CHD7: variants seen among roughly 807,000 people sequenced by gnomAD.
The protein encoded by CHD7 is chromodomain helicase DNA binding protein 7.
In CHD7, 24 loss-of-function variants were observed where a neutral mutation model predicts 307.3. That is an observed-to-expected ratio of 0.08 (90% CI 0.06 to 0.11). The LOEUF (loss-of-function observed/expected upper bound fraction) is 0.11, where lower values mean the gene tolerates loss of function less well. Among genes scored for constraint, CHD7 ranks in the 10% least tolerant of loss-of-function variants. CHD7 has a pLI of 1.00. For synonymous variants in CHD7, 1,363 were observed against 1,349.9 expected (o/e 1.01, Z -0.21); for missense variants, 3,106 against 3,727.1 (o/e 0.83, Z 4.34).
chr8:60,853,376 A>C lies in CHD7; in HGVS notation c.6651A>C (p.Glu2217Asp), dbSNP rs1805562487. Residue 2217 changes from glutamate (E) to aspartate (D), a missense_variant, in exon 31 of 38, where the codon GAA (glutamate) becomes GAC (aspartate). Glu to Asp is a conservative substitution (Grantham distance 45, BLOSUM62 2). Transcript: ENST00000423902. ...CEAEASSVKN[E>D]LKGVEVGADT... ...CAGAGGCCAGCTCTGTGAAAAATGAACTGAAAGGTGTTGAGGTCGGCGCAG... is the reference window on the plus strand; with the variant it reads ...CAGAGGCCAGCTCTGTGAAAAATGACCTGAAAGGTGTTGAGGTCGGCGCAG... The C allele has an allele frequency of 6.4e-7, 1 of 1,552,204 alleles. No homozygotes were observed. The highest frequency in any genetic ancestry group is 2.3e-5 in the East Asian group (1 of 44,390).
chr8:60,737,425 T>C (rs528570804), intron 1 of CHD7, among the ~76,000 whole-genome samples: 7 of 152,360 alleles, frequency 4.6e-5, no homozygotes, highest in African/African-American at 1.7e-4. Context: ...TAAAATGTTT[T>C]GTAGAAGAAG....
intron 25 of CHD7, among the ~76,000 whole-genome samples, chr8:60,850,029 G>C (rs1348688907): frequency 6.6e-6 from 1 of 152,122 alleles, no homozygotes; most frequent in Non-Finnish European, 1.5e-5. Context: ...AACCTAATAA[G>C]ACAGGTTCGC....
intron 1 of CHD7, among the ~76,000 whole-genome samples, chr8:60,721,848 A>G: frequency 6.6e-6 from 1 of 152,188 alleles, no homozygotes; most frequent in East Asian, 1.9e-4. Flanking sequence ...TCAGAGCCTC[A>G]GTTGCATTAT....
intron 4 of CHD7, among the ~76,000 whole-genome samples, chr8:60,795,615 A>G (rs2150699124): frequency 6.6e-6 from 1 of 152,356 alleles, no homozygotes; most frequent in African/African-American, 2.4e-5. Context: ...GTAATACTAA[A>G]GTTTCTATGA....
chr8:60,846,334 G>A (rs1197124688), intron 23 of CHD7, among the ~76,000 whole-genome samples: 1 of 152,100 alleles, frequency 6.6e-6, no homozygotes, highest in Non-Finnish European at 1.5e-5. Context: ...CTGTGAGCTT[G>A]GAATCATATT....
Position 60,862,663 on chromosome 8 carries a change from A to T in CHD7, c.8076+11A>T. 6.6e-7 allele frequency: 1 copy of T among 1,515,628 alleles called. No homozygotes were observed. Among genetic ancestry groups the T allele is most frequent in the Non-Finnish European group, 9.0e-7 (1 of 1,113,332 alleles). 93.9% of individuals were successfully genotyped at this position (1,515,628 alleles called of 1,614,324 possible). On this transcript the variant is annotated intron_variant, in intron 37 of 37. Transcript: ENST00000423902. ...ATAGTTAAGCAGTCTGTAAGTACAA[A>T]CTGCATTTCTATCAAGAAAGGTAGC...
At chr8:60,774,011 A>C (rs1399696125) in intron 2 of CHD7, among the ~76,000 whole-genome samples, 1 of 152,184 alleles carries the variant, frequency 6.6e-6, no homozygotes, top group Non-Finnish European at 1.5e-5. Flanking sequence ...TAGGATCTTA[A>C]ATAGAAGTAA....
chr8:60,836,796 G>A (rs1563643962), intron 16 of CHD7, 21 bp from the exon 17 acceptor site: 4 of 1,606,538 alleles, frequency 2.5e-6, no homozygotes, highest in Middle Eastern at 1.7e-4. Context: ...AGGCCTCCTT[G>A]TTCACACTGA....
intron 26 of CHD7, 171 bp downstream of exon 26, chr8:60,850,793 A>G (rs1586441000): frequency 7.9e-6 from 6 of 759,056 alleles, no homozygotes; most frequent in Non-Finnish European, 1.3e-5. Flanking sequence ...AACAATATAC[A>G]TTATCTTGAT....
intron 2 of CHD7, among the ~76,000 whole-genome samples, chr8:60,780,087 A>G (rs1811137555): frequency 6.6e-6 from 1 of 152,190 alleles, no homozygotes. Context: ...TGTTCGTTAG[A>G]TGTCATAATT....
chr8:60,788,639 G>A (rs886242834), intron 3 of CHD7, among the ~76,000 whole-genome samples: 7 of 152,312 alleles, frequency 4.6e-5, no homozygotes, highest in African/African-American at 1.4e-4. Flanking sequence ...GCACCTGCTT[G>A]GAGTGAAGCA....
chr8:60,833,839 C>T (rs1027045486), intron 15 of CHD7, among the ~76,000 whole-genome samples: 3 of 152,202 alleles, frequency 2.0e-5, no homozygotes, highest in Admixed American at 6.5e-5. Context: ...TGTGATATCA[C>T]AAGGGAGCAG....
At position 60,823,905 on chromosome 8, in the gene CHD7, T is replaced by G. The variant is rs1804154884; in HGVS notation, c.3267T>G (p.Thr1089=). ...AIITTFEMIL[T]DCPELRNIPW... ...TCACTACATTTGAGATGATTTTGAC[T>G]GATTGTCCTGAGCTGCGGAATATTC... is the stretch of plus-strand genomic sequence containing the variant. Residue 1089 remains threonine, a synonymous_variant, in exon 13 of 38, where the codon ACT becomes ACG. Transcript: ENST00000423902. 6.2e-7 allele frequency: 1 copy of G among 1,613,954 alleles called. No individual in the cohort carries two copies. The highest frequency in any genetic ancestry group is 8.5e-7 in the Non-Finnish European group (1 of 1,179,836).
intron 1 of CHD7, among the ~76,000 whole-genome samples, chr8:60,704,811 A>G (rs1282196118): frequency 4.6e-5 from 7 of 152,174 alleles, no homozygotes; most frequent in Admixed American, 2.0e-4. Context: ...CCTAACCCAT[A>G]TGGTGCCTTT....
chr8:60,710,039 C>T (rs1396861776), intron 1 of CHD7, among the ~76,000 whole-genome samples: 1 of 150,780 alleles, frequency 6.6e-6, no homozygotes, highest in African/African-American at 2.4e-5. Flanking sequence ...ATACAAAAAT[C>T]CACTCCATTT....
chr8:60,836,595 A>AATT (rs879799361), intron 16 of CHD7, among the ~76,000 whole-genome samples: 2 of 152,166 alleles, frequency 1.3e-5, no homozygotes, highest in Admixed American at 1.3e-4. Context: ...TTAGAATTTA[A>AATT]CTATTTCCCT....
At chr8:60,838,323 T>A in intron 19 of CHD7, 68 bp downstream of exon 19, 2 of 1,397,188 alleles carry the variant, frequency 1.4e-6, no homozygotes, top group South Asian at 2.5e-5. Flanking sequence ...AAAAGTACCT[T>A]GTAAAAGTGC....
chr8:60,741,287 G>A lies in CHD7; in HGVS notation c.-146G>A. 1 of 674,972 alleles carries A rather than the reference G, an allele frequency of 1.5e-6. No individual in the cohort carries two copies. Among genetic ancestry groups the A allele is most frequent in the Non-Finnish European group, 2.5e-6 (1 of 397,420 alleles). 41.8% of individuals were successfully genotyped at this position (674,972 alleles called of 1,614,324 possible). On this transcript the variant is annotated 5_prime_UTR_variant, in exon 2 of 38. Transcript: ENST00000423902. The stretch of plus-strand genomic sequence containing the variant: ...CTATATCCAGACTTTGCCTGACACT[G>A]CAGGGTCCAAGAGAATTAAAGAAAT...
At chr8:60,821,203 T>G (rs979861099) in intron 9 of CHD7, among the ~76,000 whole-genome samples, 1 of 152,200 alleles carries the variant, frequency 6.6e-6, no homozygotes. Context: ...TAAGATGATT[T>G]ACCATGTAAG....
Sources: gnomAD v4.1 joint callset for allele counts (sites outside exome capture counted in the v4.1 genomes callset) on GRCh38, gnomAD v4.1.1 for gene constraint, MANE v1.5 for transcripts, NCBI Gene and HGNC (gene_info 2026-07-23, HGNC 2026-07-21) for gene names.